THSD7B: variants seen among roughly 807,000 people sequenced by gnomAD.
THSD7B encodes thrombospondin type 1 domain containing 7B.
In THSD7B, 138 loss-of-function variants were observed where a neutral mutation model predicts 213.6. The observed-to-expected ratio is 0.65, with a 90% CI of 0.56 to 0.74. THSD7B has a LOEUF of 0.74. THSD7B is among the 30% of genes least tolerant of loss of function. The probability of loss-of-function intolerance (pLI) is 0.00; values close to 1 mark genes in which losing one functional copy is unlikely to be tolerated. For missense variants in THSD7B, 1,931 were observed against 1,991.5 expected (o/e 0.97, Z 0.58); for synonymous variants, 742 against 687.0 (o/e 1.08, Z -1.25).
intron 1 of THSD7B, among the ~76,000 whole-genome samples, chr2:136,861,322 T>C (rs1158058690): frequency 6.6e-6 from 1 of 152,240 alleles, no homozygotes; most frequent in East Asian, 1.9e-4. Flanking sequence ...TAAAATCTGG[T>C]TTCTCTTTGA....
intron 1 of THSD7B, among the ~76,000 whole-genome samples, chr2:136,852,794 T>G (rs1683119810): frequency 6.6e-6 from 1 of 152,222 alleles, no homozygotes; most frequent in African/African-American, 2.4e-5. Context: ...AAATTAATTT[T>G]ATTTTTGGTG....
At chr2:137,462,935 G>A (rs1687914852) in intron 15 of THSD7B, among the ~76,000 whole-genome samples, 1 of 151,998 alleles carries the variant, frequency 6.6e-6, no homozygotes, top group Non-Finnish European at 1.5e-5. Context: ...ACGGTAAGAG[G>A]TAAATCTTCT....
chr2:137,460,607 C>T (rs1393934469), intron 15 of THSD7B, among the ~76,000 whole-genome samples: 6 of 152,056 alleles, frequency 3.9e-5, no homozygotes, highest in Non-Finnish European at 8.8e-5. Context: ...TATTCCTAAA[C>T]ACCTTATTTG....
intron 10 of THSD7B, among the ~76,000 whole-genome samples, chr2:137,252,698 G>A (rs1682213948): frequency 6.6e-6 from 1 of 152,198 alleles, no homozygotes; most frequent in Non-Finnish European, 1.5e-5. Flanking sequence ...AGGGGACAGT[G>A]ATGCACAAAG....
intron 12 of THSD7B, among the ~76,000 whole-genome samples, chr2:137,348,484 G>T (rs1684929937): frequency 6.6e-6 from 1 of 151,592 alleles, no homozygotes; most frequent in African/African-American, 2.4e-5. Context: ...TGTCTCCATG[G>T]AGTGTGCCAG....
intron 16 of THSD7B, among the ~76,000 whole-genome samples, chr2:137,564,707 A>G (rs1681196881): frequency 6.6e-6 from 1 of 152,140 alleles, no homozygotes; most frequent in South Asian, 2.1e-4. Context: ...AATAAATTGC[A>G]ATGGACAGAA....
intron 2 of THSD7B, among the ~76,000 whole-genome samples, chr2:136,916,548 G>A (rs753650777): frequency 1.4e-4 from 21 of 152,216 alleles, no homozygotes; most frequent in Non-Finnish European, 1.8e-4. Context: ...GTAGAACTCA[G>A]TTTTGAAGTT....
intron 12 of THSD7B, among the ~76,000 whole-genome samples, chr2:137,346,291 T>C (rs1482555115): frequency 1.3e-5 from 2 of 151,652 alleles, no homozygotes; most frequent in Non-Finnish European, 3.0e-5. Context: ...ATTTCTGAGA[T>C]TTTGACTACT....
At chr2:137,017,543 G>T (rs1166848057) in intron 2 of THSD7B, among the ~76,000 whole-genome samples, 1 of 152,100 alleles carries the variant, frequency 6.6e-6, no homozygotes, top group Non-Finnish European at 1.5e-5. Context: ...TCTGCTGTGT[G>T]TCACAGGGAT....
At chr2:136,806,825 T>G (rs1682291090) in intron 1 of THSD7B, among the ~76,000 whole-genome samples, 1 of 152,260 alleles carries the variant, frequency 6.6e-6, no homozygotes, top group South Asian at 2.1e-4. Context: ...TTAGTCTTCA[T>G]GCCTCCTTAG....
chr2:137,335,289 C>T (rs777347122), intron 12 of THSD7B, among the ~76,000 whole-genome samples: 6 of 152,082 alleles, frequency 3.9e-5, no homozygotes, highest in Non-Finnish European at 5.9e-5. Context: ...CTCTTACGAG[C>T]GCACAAAAAT....
At chr2:136,932,938 A>G (rs569545187) in intron 2 of THSD7B, among the ~76,000 whole-genome samples, 3 of 152,232 alleles carry the variant, frequency 2.0e-5, no homozygotes, top group Admixed American at 6.5e-5. Flanking sequence ...CTTGGAAGGC[A>G]CCAGAGGCAG....
At chr2:137,644,486 G>A (rs1682993491) in intron 21 of THSD7B, among the ~76,000 whole-genome samples, 1 of 152,088 alleles carries the variant, frequency 6.6e-6, no homozygotes, top group Admixed American at 6.6e-5. Flanking sequence ...ATGACATAAA[G>A]TAAAGCAGAG....
chr2:137,517,642 A>G (rs1438265495), intron 15 of THSD7B, among the ~76,000 whole-genome samples: 1 of 152,192 alleles, frequency 6.6e-6, no homozygotes, highest in Non-Finnish European at 1.5e-5. Context: ...AGTGGGATCT[A>G]GAAGAGAAGA....
intron 12 of THSD7B, among the ~76,000 whole-genome samples, chr2:137,336,772 C>T (rs1684647038): frequency 2.0e-5 from 3 of 152,044 alleles, no homozygotes; most frequent in South Asian, 2.1e-4. Flanking sequence ...ACCATTTTAT[C>T]GAAGCATTAC....
intron 6 of THSD7B, 84 bp from the exon 7 acceptor site, chr2:137,170,656 AC>A: frequency 7.2e-7 from 1 of 1,385,712 alleles, no homozygotes; most frequent in Non-Finnish European, 9.8e-7. Context: ...CTTGAATAAA[AC>A]TTTTCATCTC....
At chr2:136,990,866 G>T (rs372792358) in intron 2 of THSD7B, 271 of 1,332,908 alleles carry the variant, frequency 2.0e-4, no homozygotes, top group Non-Finnish European at 2.5e-4. Flanking sequence ...TTCCCTTTAA[G>T]AAGTAAAATA....
intron 1 of THSD7B, among the ~76,000 whole-genome samples, chr2:136,817,488 A>G (rs972561382): frequency 1.6e-4 from 24 of 151,254 alleles, no homozygotes; most frequent in Middle Eastern, 3.4e-3. Flanking sequence ...GGGTTTTTAT[A>G]GTTTTAGGTC....
intron 7 of THSD7B, among the ~76,000 whole-genome samples, chr2:137,214,560 C>A (rs1046141961): frequency 6.6e-6 from 1 of 152,058 alleles, no homozygotes; most frequent in African/African-American, 2.4e-5. Flanking sequence ...TTAGGTATTT[C>A]TTCTAATGCT....
Sources: gnomAD v4.1 joint callset for allele counts (sites outside exome capture counted in the v4.1 genomes callset) on GRCh38, gnomAD v4.1.1 for gene constraint, MANE v1.5 for transcripts, NCBI Gene and HGNC (gene_info 2026-07-23, HGNC 2026-07-21) for gene names.